Variants in TEAD1 observed in about 807,000 individuals in gnomAD.
The protein encoded by TEAD1 is TEA domain transcription factor 1.
TEAD1 carries 9 observed loss-of-function variants against 54.9 expected under a neutral mutation model. The observed-to-expected ratio is 0.16, with a 90% CI of 0.10 to 0.29. TEAD1 has a LOEUF of 0.29. TEAD1 is among the 10% of genes least tolerant of loss of function. TEAD1 has a pLI of 1.00. For synonymous variants in TEAD1, 200 were observed against 187.8 expected, an observed-to-expected ratio of 1.07 and a Z score of -0.53; for missense variants, 387 against 535.9, an observed-to-expected ratio of 0.72 and a Z score of 2.74.
intron 3 of TEAD1, among the ~76,000 whole-genome samples, chr11:12,788,520 T>G (rs919951494): frequency 6.6e-6 from 1 of 152,222 alleles, no homozygotes; most frequent in African/African-American, 2.4e-5. Context: ...TTAACAGATT[T>G]GTAAATTTTT....
At chr11:12,807,144 G>C (rs572852642) in intron 3 of TEAD1, among the ~76,000 whole-genome samples, 1 of 152,156 alleles carries the variant, frequency 6.6e-6, no homozygotes, top group Non-Finnish European at 1.5e-5. Context: ...CTCCCTTTTT[G>C]CAAAGGCACT....
At chr11:12,759,004 C>T (rs1440234270) in intron 2 of TEAD1, among the ~76,000 whole-genome samples, 4 of 152,066 alleles carry the variant, frequency 2.6e-5, no homozygotes, top group African/African-American at 9.7e-5. Flanking sequence ...TCTCCTGTGA[C>T]CTCATAGAAT....
intron 9 of TEAD1, among the ~76,000 whole-genome samples, chr11:12,899,989 A>T (rs926553740): frequency 1.3e-5 from 2 of 152,216 alleles, no homozygotes; most frequent in Non-Finnish European, 2.9e-5. Context: ...TTCCTTCAGG[A>T]TATATTTCAT....
At chr11:12,691,879 T>C (rs1271415220) in intron 2 of TEAD1, among the ~76,000 whole-genome samples, 8 of 152,192 alleles carry the variant, frequency 5.3e-5, no homozygotes, top group African/African-American at 1.9e-4. Context: ...CAATAAATAT[T>C]GATTGAATTA....
intron 3 of TEAD1, among the ~76,000 whole-genome samples, chr11:12,821,387 T>C (rs1946542750): frequency 6.6e-6 from 1 of 152,192 alleles, no homozygotes; most frequent in Non-Finnish European, 1.5e-5. Context: ...TAATGTTTAA[T>C]TGGATCACAT....
At chr11:12,929,606 C>T (rs1248450886) in intron 11 of TEAD1, among the ~76,000 whole-genome samples, 2 of 151,582 alleles carry the variant, frequency 1.3e-5, no homozygotes, top group African/African-American at 4.8e-5. Flanking sequence ...TTTCTTAATT[C>T]CTTTTGATCC....
At chr11:12,869,440 A>G (rs1947693584) in intron 5 of TEAD1, among the ~76,000 whole-genome samples, 2 of 152,214 alleles carry the variant, frequency 1.3e-5, no homozygotes, top group East Asian at 1.9e-4. Context: ...AGAATAAATT[A>G]TAAGTTCTGT....
intron 2 of TEAD1, among the ~76,000 whole-genome samples, chr11:12,725,807 G>A (rs1441105941): frequency 2.0e-5 from 3 of 152,174 alleles, no homozygotes. Context: ...GGTTGTACAG[G>A]AAGGCTAAGT....
intron 10 of TEAD1, among the ~76,000 whole-genome samples, chr11:12,924,349 C>T (rs1452444759): frequency 2.6e-5 from 4 of 152,156 alleles, no homozygotes; most frequent in Admixed American, 1.3e-4. Flanking sequence ...AGGCAAAACC[C>T]GTACATTGTC....
intron 3 of TEAD1, among the ~76,000 whole-genome samples, chr11:12,846,729 A>C (rs1947160110): frequency 6.6e-6 from 1 of 152,192 alleles, no homozygotes; most frequent in Non-Finnish European, 1.5e-5. Flanking sequence ...TAAATGCTGA[A>C]TGTTATGCTC....
intron 3 of TEAD1, among the ~76,000 whole-genome samples, chr11:12,777,357 C>T (rs187242896): frequency 3.7e-4 from 56 of 152,268 alleles, no homozygotes; most frequent in Admixed American, 1.4e-3. Context: ...CCCAATTGCT[C>T]ACTGTATGCC....
At position 12,929,844 on chromosome 11, in the gene TEAD1, G is replaced by A. The variant is rs576193623; in HGVS notation, c.1015-330G>A. Among the ~76,000 whole-genome samples the A allele has an allele frequency of 5.9e-5, 9 of 152,220 alleles. No individual in the cohort carries two copies. The South Asian group carries it at 1.0e-3, about 18-fold the overall frequency. On this transcript the variant is annotated intron_variant, in intron 11 of 12. Coordinates refer to ENST00000527636, the MANE Select transcript of TEAD1 (RefSeq NM_021961.6). ...CTTTGAAGAACTGTAGCTAGCTGGG[G>A]CCTGCTCTTACAGATCTCCTCCAGG...
chr11:12,761,794 G>C (rs1052546430), intron 2 of TEAD1, among the ~76,000 whole-genome samples: 1 of 151,984 alleles, frequency 6.6e-6, no homozygotes, highest in Non-Finnish European at 1.5e-5. Flanking sequence ...TTAACCAGGA[G>C]ATGGGTTTTC....
intron 2 of TEAD1, among the ~76,000 whole-genome samples, chr11:12,682,499 G>A (rs1398181790): frequency 5.9e-5 from 9 of 152,174 alleles, no homozygotes; most frequent in Admixed American, 3.3e-4. Context: ...CCTAGAGGTC[G>A]TTGGGTGGTA....
intron 10 of TEAD1, among the ~76,000 whole-genome samples, chr11:12,916,775 A>G (rs547408159): frequency 2.6e-5 from 4 of 152,354 alleles, no homozygotes; most frequent in African/African-American, 9.6e-5. Context: ...TGAGTGGAGG[A>G]CTGAACTTTG....
intron 10 of TEAD1, among the ~76,000 whole-genome samples, chr11:12,916,190 A>G (rs1193413304): frequency 6.6e-6 from 1 of 152,154 alleles, no homozygotes; most frequent in African/African-American, 2.4e-5. Flanking sequence ...AACATGTCTA[A>G]TCATGCCTTT....
At chr11:12,712,803 T>C (rs540284974) in intron 2 of TEAD1, among the ~76,000 whole-genome samples, 1 of 152,264 alleles carries the variant, frequency 6.6e-6, no homozygotes, top group African/African-American at 2.4e-5. Flanking sequence ...ATGGGGCAAT[T>C]TTGAATTGAC....
At chr11:12,751,392 G>A (rs1329588815) in intron 2 of TEAD1, among the ~76,000 whole-genome samples, 1 of 152,154 alleles carries the variant, frequency 6.6e-6, no homozygotes, top group African/African-American at 2.4e-5. Flanking sequence ...ATTCCTATGC[G>A]GTGAGTGAGT....
intron 4 of TEAD1, chr11:12,864,558 A>AC (rs34227044): frequency 1.5e-6 from 1 of 666,664 alleles, no homozygotes; most frequent in African/African-American, 1.9e-5. Flanking sequence ...GCAAATAACC[A>AC]CCCCCCAACC....
Sources: allele counts gnomAD v4.1 joint callset (sites outside exome capture counted in the v4.1 genomes callset), GRCh38; gene constraint gnomAD v4.1.1; transcripts MANE v1.5; gene names NCBI Gene and HGNC (gene_info 2026-07-23, HGNC 2026-07-21).